HACL2: variants seen among roughly 807,000 people sequenced by gnomAD.
The protein encoded by HACL2 is 2-hydroxyacyl-CoA lyase 2.
chr19:15,124,748 G>T, the HACL2 span: 1 of 859,988 alleles, frequency 1.2e-6, no homozygotes, highest in Non-Finnish European at 1.7e-6. Flanking sequence ...CAAAGTCCAG[G>T]CCTCCATACA....
At chr19:15,119,992 G>T in the HACL2 span, 5 of 1,548,962 alleles carry the variant, frequency 3.2e-6, no homozygotes, top group Non-Finnish European at 4.4e-6. Context: ...CTGCTGCGGG[G>T]AAGCCTGGGG....
the HACL2 span, chr19:15,125,295 C>T: frequency 1.8e-6 from 1 of 555,774 alleles, no homozygotes; most frequent in Non-Finnish European, 3.2e-6. Flanking sequence ...AGCCCCAGTC[C>T]TTTACATCAC....
the HACL2 span, chr19:15,123,293 C>G: frequency 4.4e-6 from 7 of 1,607,336 alleles, no homozygotes; most frequent in South Asian, 7.7e-5. The surrounding 1 kb of genome is among the most constrained non-coding windows in gnomAD (Gnocchi z 5.1). Flanking sequence ...GGCCATTCTT[C>G]CACCTCTGAA....
the HACL2 span, chr19:15,118,118 G>A: frequency 1.2e-5 from 18 of 1,451,982 alleles, 1 homozygote; most frequent in South Asian, 6.1e-5. Context: ...GTTCCTCACC[G>A]AGTCTCCCTG....
At chr19:15,125,703 C>T in the HACL2 span, 1 of 152,442 alleles carries the variant, frequency 6.6e-6, no homozygotes, top group African/African-American at 2.4e-5. Flanking sequence ...TCGGCCCCCT[C>T]CGTGTCACGT....
chr19:15,118,598 T>A, the HACL2 span, among the ~76,000 whole-genome samples: 6 of 151,940 alleles, frequency 3.9e-5, no homozygotes, highest in Non-Finnish European at 7.4e-5. Flanking sequence ...CACCCCCCAT[T>A]CCTGCAGACT....
At chr19:15,116,356 A>G in the HACL2 span, 1 of 1,613,868 alleles carries the variant, frequency 6.2e-7, no homozygotes, top group Non-Finnish European at 8.5e-7. Context: ...CAGGGTTGGC[A>G]GCAGGGTCTG....
the HACL2 span, among the ~76,000 whole-genome samples, chr19:15,120,833 G>A: frequency 2.6e-5 from 4 of 152,222 alleles, no homozygotes; most frequent in Non-Finnish European, 5.9e-5. Context: ...AAGGGAGGCT[G>A]AGGCAGGAGG....
chr19:15,121,916 G>C, the HACL2 span, among the ~76,000 whole-genome samples: 1 of 107,618 alleles, frequency 9.3e-6, no homozygotes, highest in Admixed American at 1.0e-4. Flanking sequence ...TTTTTTTTTT[G>C]AGACGGAGTC....
At chr19:15,115,873 AT>A in the HACL2 span, 1 of 1,614,168 alleles carries the variant, frequency 6.2e-7, no homozygotes, top group Non-Finnish European at 8.5e-7. Context: ...AATGTATCAA[AT>A]TCGATGAGGC....
At chr19:15,118,792 C>T in the HACL2 span, among the ~76,000 whole-genome samples, 19 of 152,332 alleles carry the variant, frequency 1.2e-4, no homozygotes, top group East Asian at 3.9e-4. Flanking sequence ...CCATCCCAGA[C>T]GAGCTGCAGG....
the HACL2 span, chr19:15,124,784 T>C: frequency 5.1e-6 from 6 of 1,165,074 alleles, no homozygotes; most frequent in East Asian, 1.6e-4. Context: ...GACAGGGCCC[T>C]GGACAGAACC....
chr19:15,119,918 T>G, the HACL2 span: 1 of 1,110,316 alleles, frequency 9.0e-7, no homozygotes, highest in Non-Finnish European at 1.3e-6. Flanking sequence ...AGGGAGAGGG[T>G]CAGGGGGCCC....
chr19:15,117,679 TA>T, the HACL2 span: 1 of 530,450 alleles, frequency 1.9e-6, no homozygotes, highest in Non-Finnish European at 3.3e-6. Context: ...ACCTCGTCTC[TA>T]AAAAATAAAA....
At chr19:15,123,607 T>C in the HACL2 span, 2 of 1,597,684 alleles carry the variant, frequency 1.3e-6, no homozygotes, top group Non-Finnish European at 1.7e-6. This position sits in a 1 kb window ranked among gnomAD's most constrained non-coding sequence, Gnocchi z 5.1. Flanking sequence ...AGCAATAAAG[T>C]TAAAGGCCAG....
chr19:15,121,575 G>A, the HACL2 span, among the ~76,000 whole-genome samples: 93 of 152,116 alleles, frequency 6.1e-4, 1 homozygote, highest in African/African-American at 2.0e-3. Context: ...TTGAGAGGCC[G>A]AGGAGGGTGG....
the HACL2 span, chr19:15,125,068 A>G: frequency 0.022 from 33,130 of 1,533,396 alleles, 438 homozygotes; most frequent in Non-Finnish European, 0.025. Context: ...ATGAGGTGGT[A>G]CCTAAGAGAG....
chr19:15,123,072 T>C, the HACL2 span: 1 of 1,610,692 alleles, frequency 6.2e-7, no homozygotes, highest in Non-Finnish European at 8.5e-7. The surrounding 1 kb of genome is among the most constrained non-coding windows in gnomAD (Gnocchi z 5.1). Flanking sequence ...GCATGAGCCC[T>C]TCAAGCCCCC....
chr19:15,122,654 G>T, the HACL2 span: 1 of 1,542,238 alleles, frequency 6.5e-7, no homozygotes. This position sits in a 1 kb window ranked among gnomAD's most constrained non-coding sequence, Gnocchi z 4.0. Flanking sequence ...GGAGAGAACG[G>T]GGGATAAAGG....
Sources: gnomAD v4.1 joint callset for allele counts (sites outside exome capture counted in the v4.1 genomes callset) on GRCh38, gnomAD v4.1.1 for gene constraint, Gnocchi (gnomAD v3.1) non-coding constraint, MANE v1.5 for transcripts, NCBI Gene and HGNC (gene_info 2026-07-23, HGNC 2026-07-21) for gene names.